Variants in ZNF570 observed in about 807,000 individuals in gnomAD.
The protein encoded by ZNF570 is zinc finger protein 570.
In ZNF570, 8 loss-of-function variants were observed where a neutral mutation model predicts 14.2. That is an observed-to-expected ratio of 0.56 (90% CI 0.33 to 1.02). The LOEUF (loss-of-function observed/expected upper bound fraction) is 1.02. ZNF570 is among the 50% of genes least tolerant of loss of function. The pLI is 0.03. For synonymous variants in ZNF570, 202 were observed against 207.6 expected, an observed-to-expected ratio of 0.97 and a Z score of 0.23; for missense variants, 559 against 624.9, an observed-to-expected ratio of 0.89 and a Z score of 1.12.
intron 1 of ZNF570, among the ~76,000 whole-genome samples, chr19:37,469,827 G>A (rs1424311118): frequency 1.3e-5 from 2 of 152,222 alleles, no homozygotes; most frequent in Non-Finnish European, 2.9e-5. Context: ...CATGGCCTCT[G>A]ACTGTGGCGT....
chr19:37,479,192 T>A (rs924034918), intron 4 of ZNF570, among the ~76,000 whole-genome samples: 1 of 142,060 alleles, frequency 7.0e-6, no homozygotes, highest in Admixed American at 7.0e-5. Context: ...TAGGGTATTT[T>A]TTTCTAAATA....
intron 2 of ZNF570, among the ~76,000 whole-genome samples, chr19:37,472,806 C>T (rs2041983783): frequency 6.7e-6 from 1 of 148,760 alleles, no homozygotes; most frequent in South Asian, 2.1e-4. Context: ...TCATAACTGA[C>T]AAAGTTTCAG....
At position 37,485,351 on chromosome 19, in the gene ZNF570, T is replaced by C. The variant is rs1233194871; in HGVS notation, c.*118T>C. ...TAGCTTTCAAACAGGTTTTCCTGTA[T>C]TTATTTTTGCTACCTTTAAATCCAT... On this transcript the variant is annotated 3_prime_UTR_variant, in exon 5 of 5. Transcript: ENST00000330173. The C allele has an allele frequency of 1.9e-6, 2 of 1,059,984 alleles. No individual in the cohort carries two copies. The highest frequency in any genetic ancestry group is 2.6e-6 in the Non-Finnish European group (2 of 780,068). The allele number at this position is 1,059,984 out of a possible 1,614,324, so 65.7% of individuals were successfully genotyped here. A position where few individuals can be genotyped will look rare whatever the true frequency, so the allele number is the denominator to read the frequency against.
chr19:37,469,566 C>G lies in ZNF570; in HGVS notation c.-52+9C>G. Reference sequence around the variant, plus strand: ...CTCCGGTGCGAGTGGAGGTTGGTACCGTTCAGTGCGAGGCTGTCACCCCGT... The same window carrying G: ...CTCCGGTGCGAGTGGAGGTTGGTACGGTTCAGTGCGAGGCTGTCACCCCGT... On this transcript the variant is annotated intron_variant, in intron 1 of 4. Coordinates refer to ENST00000330173, the MANE Select transcript of ZNF570 (RefSeq NM_144694.5). 6.5e-7 allele frequency: 1 copy of G among 1,535,982 alleles called. No homozygotes were observed. The highest frequency in any genetic ancestry group is 8.7e-7 in the Non-Finnish European group (1 of 1,146,654).
chr19:37,469,275 C>G, upstream of ZNF570: 7 of 1,408,380 alleles, frequency 5.0e-6, no homozygotes, highest in Non-Finnish European at 5.5e-6. Context: ...TTTTCTACTC[C>G]GGACTACGTT....
Position 37,469,405 on chromosome 19 carries a change from G to T in ZNF570, c.-204G>T. 2 of 1,521,614 alleles carry T rather than the reference G, an allele frequency of 1.3e-6. No homozygotes were observed. Among genetic ancestry groups the T allele is most frequent in the East Asian group, 4.9e-5 (2 of 40,520 alleles). The allele number at this position is 1,521,614 out of a possible 1,614,324, so 94.3% of individuals were successfully genotyped here. A position where few individuals can be genotyped will look rare whatever the true frequency, so the allele number is the denominator to read the frequency against. ...TGGGTTCCATCCAACTAAGGGTAGC[G>T]GTGAGACCCGAGTGCAGATTCCCCG... On this transcript the variant is annotated 5_prime_UTR_variant, in exon 1 of 5. Transcript: ENST00000330173.
chr19:37,476,705 CTTTT>C (rs35904468), intron 4 of ZNF570, among the ~76,000 whole-genome samples: 1 of 111,736 alleles, frequency 8.9e-6, no homozygotes, highest in South Asian at 3.3e-4. Context: ...GTCTTATAAA[CTTTT>C]TTTTTTTTTT....
rs1163581278 is a variant in ZNF570, at chr19:37,488,029, T to C, written c.*2796T>C. 6.6e-6 allele frequency: 1 copy of C among 152,204 alleles called. No individual in the cohort carries two copies. Among genetic ancestry groups the C allele is most frequent in the Non-Finnish European group, 1.5e-5 (1 of 68,036 alleles). 9.4% of individuals were successfully genotyped at this position (152,204 alleles called of 1,614,324 possible). A position where few individuals can be genotyped will look rare whatever the true frequency, so the allele number is the denominator to read the frequency against. Reference sequence around the variant, plus strand: ...ACTCATACGGTGCTATAGGAAGTAGTTGTGTTTAGCATAATTTGGCAATGT... The same window carrying C: ...ACTCATACGGTGCTATAGGAAGTAGCTGTGTTTAGCATAATTTGGCAATGT... On this transcript the variant is annotated 3_prime_UTR_variant, in exon 5 of 5. Coordinates refer to ENST00000330173, the MANE Select transcript of ZNF570 (RefSeq NM_144694.5).
chr19:37,476,086 T>C, intron 3 of ZNF570, 79 bp downstream of exon 3: 1 of 1,526,242 alleles, frequency 6.6e-7, no homozygotes, highest in Non-Finnish European at 8.8e-7. Context: ...TTTTGGATAA[T>C]ATCTGCAAAA....
Position 37,485,164 on chromosome 19 carries a change from T to C in ZNF570, c.1542T>C (p.Ala514=). ...CCTTCAGGCAGCATGCACACCTTGC[T>C]CATCACCAGAGAATTCACATTGGGG... The part of the protein sequence containing the change: ...KKTFRQHAHL[A]HHQRIHIGES... The change falls in exon 5 of 5, where the codon GCT becomes GCC. Residue 514 remains alanine, a synonymous_variant. Coordinates refer to ENST00000330173, the MANE Select transcript of ZNF570 (RefSeq NM_144694.5). 6.2e-7 allele frequency: 1 copy of C among 1,600,288 alleles called. No homozygotes were observed. The highest frequency in any genetic ancestry group is 1.3e-5 in the African/African-American group (1 of 74,732).
intron 4 of ZNF570, among the ~76,000 whole-genome samples, chr19:37,482,876 T>C (rs2042104047): frequency 1.4e-5 from 2 of 142,046 alleles, no homozygotes; most frequent in Admixed American, 7.1e-5. Context: ...CCTCCCCCCC[T>C]TTCTCCCTCT....
At chr19:37,478,638 C>A (rs916703617) in intron 4 of ZNF570, among the ~76,000 whole-genome samples, 2 of 151,170 alleles carry the variant, frequency 1.3e-5, no homozygotes, top group African/African-American at 4.8e-5. Context: ...AATACTTTAG[C>A]ATTTTGTTTT....
Position 37,484,037 on chromosome 19 carries a change from C to T in ZNF570, c.415C>T (p.Pro139Ser), listed in dbSNP as rs767030096. ...ATGTGAGGGCTATTTTGAAAGGCAA[C>T]CAGGTAATCAGAAGGCGTGTTTCAA... ...WKCEGYFERQ[P>S]GNQKACFKEE... is the part of the protein sequence containing the mutation. The change falls in exon 5 of 5, where the codon CCA (proline) becomes TCA (serine). Residue 139 changes from proline (P) to serine (S), a missense_variant. Coordinates refer to ENST00000330173, the MANE Select transcript of ZNF570 (RefSeq NM_144694.5). The T allele has an allele frequency of 6.2e-7, 1 of 1,614,028 alleles. No individual in the cohort carries two copies. The highest frequency in any genetic ancestry group is 8.5e-7 in the Non-Finnish European group (1 of 1,180,010).
intron 4 of ZNF570, among the ~76,000 whole-genome samples, chr19:37,481,310 G>T (rs767421479): frequency 6.6e-6 from 1 of 151,784 alleles, no homozygotes; most frequent in Non-Finnish European, 1.5e-5. Context: ...GTGCCACCAC[G>T]CCTGGCTAAT....
intron 4 of ZNF570, 187 bp downstream of exon 4, chr19:37,476,621 C>T: frequency 2.5e-6 from 2 of 803,558 alleles, no homozygotes; most frequent in South Asian, 7.9e-5. Context: ...CTCTTACTTT[C>T]CTATCTCCTT....
At chr19:37,469,846 C>T (rs2041925324) in intron 1 of ZNF570, among the ~76,000 whole-genome samples, 1 of 152,136 alleles carries the variant, frequency 6.6e-6, no homozygotes, top group Non-Finnish European at 1.5e-5. Context: ...GTGGGTAAGA[C>T]GGTGGTTGGC....
intron 2 of ZNF570, among the ~76,000 whole-genome samples, chr19:37,474,248 T>C (rs1198330409): frequency 1.3e-5 from 2 of 152,214 alleles, no homozygotes; most frequent in Non-Finnish European, 2.9e-5. Context: ...TTATTTTTGT[T>C]GACTATCAAG....
intron 4 of ZNF570, among the ~76,000 whole-genome samples, chr19:37,481,223 G>A (rs184733299): frequency 6.6e-6 from 1 of 151,042 alleles, no homozygotes; most frequent in Admixed American, 6.6e-5. Flanking sequence ...GTGCAATCTC[G>A]GCTCACCGCA....
chr19:37,484,009 G>A lies in ZNF570; in HGVS notation c.387G>A (p.Trp129Ter). Residue 129 changes from tryptophan to a stop codon, truncating the protein, a stop_gained, in exon 5 of 5, where the codon TGG (tryptophan) becomes TGA (stop). Transcript: ENST00000330173. LOFTEE classifies it low-confidence loss of function (END_TRUNC). ...NLEYSSLREEWKCEGYFERQP... is the reference protein window; with the variant it reads ...NLEYSSLREE ...AATACTCCAGTTTGAGAGAAGAGTG[G>A]AAATGTGAGGGCTATTTTGAAAGGC... 6.2e-7 allele frequency: 1 copy of A among 1,614,068 alleles called. No individual in the cohort carries two copies. The highest frequency in any genetic ancestry group is 8.5e-7 in the Non-Finnish European group (1 of 1,180,022).
Sources: gnomAD v4.1 joint callset for allele counts (sites outside exome capture counted in the v4.1 genomes callset) on GRCh38, gnomAD v4.1.1 for gene constraint, MANE v1.5 for transcripts, NCBI Gene and HGNC (gene_info 2026-07-23, HGNC 2026-07-21) for gene names.